CTNNA2: variants seen among roughly 807,000 people sequenced by gnomAD.
CTNNA2 encodes the protein catenin alpha-2.
A neutral mutation model predicts 101.0 loss-of-function variants in CTNNA2; 42 were observed. The ratio of observed to expected loss-of-function variants is 0.42; its 90% CI spans 0.32 to 0.54. CTNNA2 has a LOEUF of 0.54. Among genes scored for constraint, CTNNA2 ranks in the 20% least tolerant of loss-of-function variants. The probability of loss-of-function intolerance (pLI) is 0.14; values close to 1 mark genes in which losing one functional copy is unlikely to be tolerated. For missense variants in CTNNA2, 871 were observed against 1,223.1 expected, an observed-to-expected ratio of 0.71 and a Z score of 4.29; for synonymous variants, 450 against 456.4, an observed-to-expected ratio of 0.99 and a Z score of 0.18.
chr2:79,291,517 T>G (rs569848089), intron 2 of CTNNA2, among the ~76,000 whole-genome samples: 1 of 152,346 alleles, frequency 6.6e-6, no homozygotes, highest in Admixed American at 6.5e-5. Flanking sequence ...ACTTCCCCTG[T>G]TCTTCCTTTC....
intron 7 of CTNNA2, among the ~76,000 whole-genome samples, chr2:80,183,322 T>C (rs1705907133): frequency 6.6e-6 from 1 of 152,146 alleles, no homozygotes; most frequent in Non-Finnish European, 1.5e-5. Context: ...TGGCACAGCT[T>C]GGGTTTTCTT....
chr2:80,588,292 A>C (rs1462521893), intron 14 of CTNNA2, among the ~76,000 whole-genome samples: 1 of 152,192 alleles, frequency 6.6e-6, no homozygotes, highest in East Asian at 1.9e-4. Flanking sequence ...TTAAACAGCA[A>C]AGTTACTAAC....
chr2:79,758,472 A>T (rs1672546432), intron 3 of CTNNA2, among the ~76,000 whole-genome samples: 1 of 152,118 alleles, frequency 6.6e-6, no homozygotes, highest in Admixed American at 6.5e-5. Context: ...AGATTTGGGG[A>T]GTGCCTTCAC....
intron 3 of CTNNA2, among the ~76,000 whole-genome samples, chr2:79,363,592 T>C (rs1174712327): frequency 6.6e-6 from 1 of 151,972 alleles, no homozygotes; most frequent in African/African-American, 2.4e-5. Context: ...TCATATAATA[T>C]AGAAAACTGA....
intron 4 of CTNNA2, among the ~76,000 whole-genome samples, chr2:79,377,045 C>G (rs1677986399): frequency 1.3e-5 from 2 of 150,410 alleles, no homozygotes; most frequent in Non-Finnish European, 3.0e-5. Flanking sequence ...GTTCTAGCTC[C>G]CTGAGGAATC....
intron 13 of CTNNA2, among the ~76,000 whole-genome samples, chr2:80,579,735 AT>A (rs1573345357): frequency 6.6e-6 from 1 of 152,238 alleles, no homozygotes; most frequent in East Asian, 1.9e-4. Context: ...AGCTTGGAAA[AT>A]TACTAGGCAT....
intron 3 of CTNNA2, among the ~76,000 whole-genome samples, chr2:79,806,945 T>A (rs1381718877): frequency 6.6e-6 from 1 of 152,068 alleles, no homozygotes; most frequent in Non-Finnish European, 1.5e-5. Context: ...GCATTCTTTA[T>A]CCTAAAACAA....
intron 7 of CTNNA2, among the ~76,000 whole-genome samples, chr2:80,380,510 C>T (rs1676422561): frequency 6.6e-6 from 1 of 152,146 alleles, no homozygotes; most frequent in Admixed American, 6.5e-5. Flanking sequence ...GGCTGTTCAG[C>T]CTTTTTCACT....
intron 9 of CTNNA2, among the ~76,000 whole-genome samples, chr2:80,506,673 TGG>T (rs1379536464): frequency 6.6e-6 from 1 of 152,098 alleles, no homozygotes; most frequent in East Asian, 1.9e-4. Flanking sequence ...ATAGATTAAG[TGG>T]GACAACTCTG....
rs554678201 is a variant in CTNNA2, at chr2:80,581,134, A to G, written c.1894-572A>G. ...CACAGCAATCATAGAGGTAGCTACTATTATCAACCTCAATTTACAGAGGAA... is the reference window on the plus strand; with the variant it reads ...CACAGCAATCATAGAGGTAGCTACTGTTATCAACCTCAATTTACAGAGGAA... On this transcript the variant is annotated intron_variant, in intron 13 of 18. Coordinates refer to ENST00000402739, the MANE Select transcript of CTNNA2 (RefSeq NM_001282597.3). Among the ~76,000 whole-genome samples, 5 of 152,308 alleles carry G rather than the reference A, an allele frequency of 3.3e-5. No homozygotes were observed. In the East Asian group the frequency reaches 5.8e-4, roughly 18 times the overall value.
chr2:80,467,862 G>GA (rs1274941619), intron 9 of CTNNA2, among the ~76,000 whole-genome samples: 1 of 152,130 alleles, frequency 6.6e-6, no homozygotes, highest in Non-Finnish European at 1.5e-5. Flanking sequence ...ACCAGACACT[G>GA]AATCTGCTGG....
At chr2:80,561,804 G>A (rs11695791) in intron 12 of CTNNA2, among the ~76,000 whole-genome samples, 27,658 of 150,910 alleles carry the variant, frequency 0.18, 2,637 homozygotes, top group Middle Eastern at 0.25. Flanking sequence ...GTGATTACAG[G>A]CGGTCGCCAC....
intron 2 of CTNNA2, among the ~76,000 whole-genome samples, chr2:79,728,957 C>A (rs971664759): frequency 1.3e-5 from 2 of 152,090 alleles, no homozygotes; most frequent in African/African-American, 4.8e-5. Flanking sequence ...GGTACCAGTA[C>A]CATGCTGTTT....
chr2:80,570,021 T>C (rs112314374), intron 12 of CTNNA2, among the ~76,000 whole-genome samples: 24 of 152,076 alleles, frequency 1.6e-4, no homozygotes, highest in African/African-American at 5.8e-4. Flanking sequence ...GATGGGTCAT[T>C]GTTCTATAAA....
intron 4 of CTNNA2, among the ~76,000 whole-genome samples, chr2:79,375,864 T>G (rs866483381): frequency 3.9e-5 from 6 of 152,062 alleles, no homozygotes; most frequent in African/African-American, 1.5e-4. Context: ...TCATTCATTT[T>G]AAAAAGTGCA....
At chr2:79,593,188 G>T (rs1309470083) in intron 1 of CTNNA2, among the ~76,000 whole-genome samples, 2 of 152,086 alleles carry the variant, frequency 1.3e-5, no homozygotes, top group African/African-American at 4.8e-5. Context: ...ATCCTGCCTG[G>T]ACATCATAGT....
At chr2:80,463,877 C>G (rs911919125) in intron 9 of CTNNA2, among the ~76,000 whole-genome samples, 49 of 152,288 alleles carry the variant, frequency 3.2e-4, no homozygotes, top group African/African-American at 1.1e-3. Flanking sequence ...GTTTTACCCA[C>G]TGTCTCAAAG....
intron 4 of CTNNA2, among the ~76,000 whole-genome samples, chr2:79,393,799 G>C (rs727059): frequency 1.3e-5 from 2 of 152,006 alleles, no homozygotes; most frequent in African/African-American, 4.8e-5. Flanking sequence ...TTTTACATCA[G>C]AAATAGGTTT....
intron 2 of CTNNA2, among the ~76,000 whole-genome samples, chr2:79,740,602 TATAA>T (rs1274148418): frequency 6.6e-6 from 1 of 152,168 alleles, no homozygotes; most frequent in Non-Finnish European, 1.5e-5. Flanking sequence ...TATTCATATA[TATAA>T]ATAATGCCTT....
Sources: allele counts gnomAD v4.1 joint callset (sites outside exome capture counted in the v4.1 genomes callset), GRCh38; gene constraint gnomAD v4.1.1; transcripts MANE v1.5; gene names NCBI Gene and HGNC (gene_info 2026-07-23, HGNC 2026-07-21).